Variants in FBXL17 observed in about 807,000 individuals in gnomAD.
FBXL17 encodes F-box and leucine rich repeat protein 17.
In FBXL17, 22 loss-of-function variants were observed where a neutral mutation model predicts 66.2. The observed-to-expected ratio is 0.33, with a 90% CI of 0.24 to 0.47. FBXL17 has a LOEUF of 0.47. FBXL17 is among the 20% of genes least tolerant of loss of function. The pLI is 1.00. For synonymous variants in FBXL17, 474 were observed against 400.5 expected, an observed-to-expected ratio of 1.18 and a Z score of -2.19; for missense variants, 878 against 948.2, an observed-to-expected ratio of 0.93 and a Z score of 0.97.
intron 4 of FBXL17, among the ~76,000 whole-genome samples, chr5:108,315,982 C>T (rs375284098): frequency 1.3e-5 from 2 of 151,488 alleles, no homozygotes; most frequent in East Asian, 3.9e-4. Context: ...GACTAAAATG[C>T]TGCCCTGCAA....
At chr5:107,862,682 C>T (rs1451866571) in intron 8 of FBXL17, among the ~76,000 whole-genome samples, 1 of 152,126 alleles carries the variant, frequency 6.6e-6, no homozygotes, top group Non-Finnish European at 1.5e-5. Context: ...TGAGCATTTT[C>T]AAATACATCA....
At chr5:108,235,966 T>G (rs1423454929) in intron 4 of FBXL17, among the ~76,000 whole-genome samples, 1 of 152,174 alleles carries the variant, frequency 6.6e-6, no homozygotes, top group Non-Finnish European at 1.5e-5. Context: ...TGGCTAAGAA[T>G]TAGATAAATG....
intron 5 of FBXL17, among the ~76,000 whole-genome samples, chr5:108,193,199 G>A (rs1344256524): frequency 1.3e-5 from 2 of 152,168 alleles, no homozygotes; most frequent in Admixed American, 1.3e-4. Flanking sequence ...TGAAGGGGTT[G>A]CTGGGCATAG....
intron 4 of FBXL17, among the ~76,000 whole-genome samples, chr5:108,243,080 T>C (rs1336093203): frequency 6.6e-6 from 1 of 152,246 alleles, no homozygotes; most frequent in Non-Finnish European, 1.5e-5. Flanking sequence ...TTGTTCATTC[T>C]ATCTTGCTTA....
chr5:108,295,940 T>A (rs1758329587), intron 4 of FBXL17, among the ~76,000 whole-genome samples: 1 of 146,666 alleles, frequency 6.8e-6, no homozygotes, highest in African/African-American at 2.5e-5. Context: ...AGCCAAGTGT[T>A]CTAGTAGGAA....
In FBXL17 at chr5:108,381,958, C is replaced by G. The variant is rs868468231; in HGVS notation, c.-267G>C. The G allele has an allele frequency of 8.1e-7, 1 of 1,231,420 alleles. No homozygotes were observed. Among genetic ancestry groups the G allele is most frequent in the Non-Finnish European group, 1.0e-6 (1 of 984,932 alleles). The allele number at this position is 1,231,420 out of a possible 1,614,324, so 76.3% of individuals were successfully genotyped here. A position where few individuals can be genotyped will look rare whatever the true frequency, so the allele number is the denominator to read the frequency against. ...AGCTTTGGGGACGCGAGGGAGGGAG[C>G]GAGCGAGCCTGCCGGCTAGGCGACC... On this transcript the variant is annotated 5_prime_UTR_variant, in exon 1 of 9. Transcript: ENST00000542267.
At chr5:108,240,735 T>A (rs969966810) in intron 4 of FBXL17, among the ~76,000 whole-genome samples, 10 of 152,114 alleles carry the variant, frequency 6.6e-5, no homozygotes, top group Non-Finnish European at 1.3e-4. Context: ...AGACAGTGAT[T>A]ATACTGCAGC....
chr5:108,316,559 A>C (rs1759372827), intron 4 of FBXL17, among the ~76,000 whole-genome samples: 1 of 151,512 alleles, frequency 6.6e-6, no homozygotes. Context: ...TAAAATTTTT[A>C]ACATTAAAAT....
intron 6 of FBXL17, among the ~76,000 whole-genome samples, chr5:108,178,968 G>A (rs745952342): frequency 2.0e-4 from 31 of 152,148 alleles, no homozygotes; most frequent in Non-Finnish European, 3.8e-4. Flanking sequence ...TTCCCCTTGG[G>A]CAATCTTTAA....
At chr5:108,193,271 G>T (rs900129250) in intron 5 of FBXL17, among the ~76,000 whole-genome samples, 1 of 152,134 alleles carries the variant, frequency 6.6e-6, no homozygotes, top group South Asian at 2.1e-4. Context: ...GACCAAGGGA[G>T]ATCCTAAAGG....
intron 4 of FBXL17, among the ~76,000 whole-genome samples, chr5:108,255,929 G>C (rs754721181): frequency 6.6e-6 from 1 of 152,158 alleles, no homozygotes; most frequent in African/African-American, 2.4e-5. Context: ...AAAGCAAGGC[G>C]TAAGGCAAGG....
At chr5:107,925,681 C>T (rs1046736294) in intron 7 of FBXL17, among the ~76,000 whole-genome samples, 6 of 152,164 alleles carry the variant, frequency 3.9e-5, no homozygotes, top group Non-Finnish European at 8.8e-5. Flanking sequence ...CGGGAATGAG[C>T]GCCAGTTGTC....
At chr5:108,015,585 G>C (rs1240761141) in intron 7 of FBXL17, among the ~76,000 whole-genome samples, 2 of 152,078 alleles carry the variant, frequency 1.3e-5, no homozygotes, top group Non-Finnish European at 2.9e-5. Flanking sequence ...ACATAATAAA[G>C]AGCAAAATTA....
chr5:108,312,451 T>C (rs936006519), intron 4 of FBXL17, among the ~76,000 whole-genome samples: 7 of 152,078 alleles, frequency 4.6e-5, no homozygotes, highest in Admixed American at 3.9e-4. Flanking sequence ...GCAGCCCCAA[T>C]AGTAGGGAGA....
intron 7 of FBXL17, among the ~76,000 whole-genome samples, chr5:107,994,407 T>C (rs1490780756): frequency 1.3e-5 from 2 of 152,180 alleles, no homozygotes; most frequent in Non-Finnish European, 1.5e-5. Context: ...TGTGTGTGTA[T>C]ATATGCACAC....
At chr5:108,148,491 A>T (rs1280156776) in intron 6 of FBXL17, among the ~76,000 whole-genome samples, 1 of 152,178 alleles carries the variant, frequency 6.6e-6, no homozygotes, top group Non-Finnish European at 1.5e-5. Flanking sequence ...TTCATGAATC[A>T]CTGTCTGTCC....
At chr5:107,919,130 A>G (rs962989014) in intron 7 of FBXL17, among the ~76,000 whole-genome samples, 2 of 152,216 alleles carry the variant, frequency 1.3e-5, no homozygotes, top group Non-Finnish European at 2.9e-5. Flanking sequence ...ACTGAGTCAA[A>G]AAAAGAAAAA....
chr5:108,260,422 T>TC (rs1211476841), intron 4 of FBXL17, among the ~76,000 whole-genome samples: 1 of 151,980 alleles, frequency 6.6e-6, no homozygotes, highest in African/African-American at 2.4e-5. Context: ...TAAGAATTGA[T>TC]CTAAAAATCA....
At chr5:108,055,194 GTAT>G (rs1747639688) in intron 6 of FBXL17, among the ~76,000 whole-genome samples, 5 of 139,150 alleles carry the variant, frequency 3.6e-5, no homozygotes, top group African/African-American at 1.3e-4. Context: ...ATATGCTACA[GTAT>G]TATTACCAGA....
Sources: gnomAD v4.1 joint callset for allele counts (sites outside exome capture counted in the v4.1 genomes callset) on GRCh38, gnomAD v4.1.1 for gene constraint, MANE v1.5 for transcripts, NCBI Gene and HGNC (gene_info 2026-07-23, HGNC 2026-07-21) for gene names.